Variants in KHDRBS2 observed in about 807,000 individuals in gnomAD.
KHDRBS2 encodes KH RNA binding domain containing, signal transduction associated 2, also known as KH domain-containing, RNA-binding, signal transduction-associated protein 2.
KHDRBS2 carries 26 observed loss-of-function variants against 44.3 expected under a neutral mutation model. The observed-to-expected ratio is 0.59, with a 90% CI of 0.43 to 0.81. KHDRBS2 has a LOEUF of 0.81. Among genes scored for constraint, KHDRBS2 ranks in the 40% least tolerant of loss-of-function variants. The probability of loss-of-function intolerance (pLI) is 0.00; values close to 1 mark genes in which losing one functional copy is unlikely to be tolerated. For missense variants in KHDRBS2, 476 were observed against 433.1 expected, an observed-to-expected ratio of 1.10 and a Z score of -0.88; for synonymous variants, 194 against 151.1, an observed-to-expected ratio of 1.28 and a Z score of -2.08.
At chr6:62,182,676 G>A (rs554961193) in intron 1 of KHDRBS2, among the ~76,000 whole-genome samples, 2 of 151,616 alleles carry the variant, frequency 1.3e-5, no homozygotes, top group South Asian at 2.1e-4. Context: ...TTGTTATTTT[G>A]TTTTGTTTTA....
chr6:61,695,857 C>T (rs760538483), intron 8 of KHDRBS2, among the ~76,000 whole-genome samples: 9 of 152,010 alleles, frequency 5.9e-5, no homozygotes, highest in East Asian at 3.9e-4. Flanking sequence ...AGCATCAGGA[C>T]GTGCCCTTCG....
chr6:62,199,337 C>T (rs567113724), intron 1 of KHDRBS2, among the ~76,000 whole-genome samples: 2 of 152,102 alleles, frequency 1.3e-5, no homozygotes, highest in Admixed American at 6.6e-5. Flanking sequence ...ATCTAGAAAA[C>T]CCCCTTGTCT....
At chr6:61,553,552 G>T in the KHDRBS2 span, among the ~76,000 whole-genome samples, 2 of 151,802 alleles carry the variant, frequency 1.3e-5, no homozygotes, top group African/African-American at 2.4e-5. Context: ...CTAGCTTTGG[G>T]GTTGGTTTGC....
At chr6:61,697,925 T>TA (rs1428034063) in intron 7 of KHDRBS2, among the ~76,000 whole-genome samples, 1 of 152,162 alleles carries the variant, frequency 6.6e-6, no homozygotes, top group African/African-American at 2.4e-5. Context: ...TCCAAAGTCT[T>TA]ACGTGTTTCT....
intron 2 of KHDRBS2, among the ~76,000 whole-genome samples, chr6:62,048,522 T>C (rs1788252093): frequency 6.6e-6 from 1 of 151,904 alleles, no homozygotes; most frequent in African/African-American, 2.4e-5. Context: ...ATTACAACTT[T>C]CATAATCAGG....
intron 1 of KHDRBS2, among the ~76,000 whole-genome samples, chr6:62,239,843 GC>G (rs1284857699): frequency 5.5e-4 from 84 of 151,846 alleles, no homozygotes; most frequent in African/African-American, 1.9e-3. Context: ...CCACCACCAT[GC>G]CCGACCAATT....
the KHDRBS2 span, among the ~76,000 whole-genome samples, chr6:61,626,976 G>A: frequency 1.2e-3 from 190 of 152,014 alleles, 1 homozygote; most frequent in African/African-American, 3.4e-3. Context: ...GGCTGGGGCC[G>A]GGCGCGGTGG....
intron 6 of KHDRBS2, among the ~76,000 whole-genome samples, chr6:61,863,823 G>T (rs1048201013): frequency 2.0e-5 from 3 of 152,056 alleles, no homozygotes; most frequent in Non-Finnish European, 4.4e-5. Flanking sequence ...CTGAGTTCAG[G>T]TCCTGAATAT....
chr6:62,078,868 AG>A (rs762056813), intron 2 of KHDRBS2, among the ~76,000 whole-genome samples: 9 of 152,044 alleles, frequency 5.9e-5, no homozygotes, highest in Non-Finnish European at 1.3e-4. Context: ...TGCTACTAAA[AG>A]GGAACATTTT....
At chr6:62,106,300 TG>T in intron 2 of KHDRBS2, among the ~76,000 whole-genome samples, 1 of 152,148 alleles carries the variant, frequency 6.6e-6, no homozygotes, top group Non-Finnish European at 1.5e-5. Context: ...TAGGTCTGCT[TG>T]GTGCAGAGCT....
At chr6:61,886,041 TA>T (rs1458738064) in intron 6 of KHDRBS2, among the ~76,000 whole-genome samples, 5 of 152,168 alleles carry the variant, frequency 3.3e-5, no homozygotes, top group African/African-American at 1.2e-4. Context: ...CCTGTTGTCA[TA>T]GCTAGGGCCA....
the KHDRBS2 span, among the ~76,000 whole-genome samples, chr6:61,568,482 T>C: frequency 6.6e-6 from 1 of 152,280 alleles, no homozygotes; most frequent in Admixed American, 6.5e-5. Context: ...CAGTATGAAC[T>C]TTTGTCCAAG....
At chr6:61,884,663 C>T (rs1197572609) in intron 6 of KHDRBS2, among the ~76,000 whole-genome samples, 1 of 152,000 alleles carries the variant, frequency 6.6e-6, no homozygotes, top group Non-Finnish European at 1.5e-5. Flanking sequence ...GTGCCTTTAC[C>T]TGCACATAAC....
chr6:62,158,169 G>A (rs1816863916), intron 2 of KHDRBS2, among the ~76,000 whole-genome samples: 1 of 152,086 alleles, frequency 6.6e-6, no homozygotes, highest in African/African-American at 2.4e-5. Flanking sequence ...AGAACTCTTA[G>A]ATAAATAATT....
intron 2 of KHDRBS2, among the ~76,000 whole-genome samples, chr6:62,156,078 G>C (rs1036815540): frequency 7.9e-5 from 12 of 151,742 alleles, no homozygotes; most frequent in African/African-American, 2.9e-4. Flanking sequence ...CATTTTCCAG[G>C]GTGTAGTCAG....
chr6:61,602,909 A>T, the KHDRBS2 span, among the ~76,000 whole-genome samples: 1 of 152,058 alleles, frequency 6.6e-6, no homozygotes, highest in South Asian at 2.1e-4. Context: ...GACTATTCCT[A>T]GGCTATAGCC....
At chr6:61,781,764 T>A (rs146107950) in intron 6 of KHDRBS2, among the ~76,000 whole-genome samples, 17 of 152,150 alleles carry the variant, frequency 1.1e-4, no homozygotes, top group African/African-American at 3.1e-4. Context: ...CTCCCGAAAA[T>A]TTTGGAACTG....
At chr6:62,230,955 G>GT in intron 1 of KHDRBS2, among the ~76,000 whole-genome samples, 1 of 152,248 alleles carries the variant, frequency 6.6e-6, no homozygotes, top group African/African-American at 2.4e-5. Flanking sequence ...CACTACATGT[G>GT]TAAGGGCTAT....
At chr6:61,996,186 G>A (rs1777138190) in intron 3 of KHDRBS2, among the ~76,000 whole-genome samples, 1 of 152,070 alleles carries the variant, frequency 6.6e-6, no homozygotes. Context: ...CTTTATAAAA[G>A]GGTATCTGTG....
Sources: allele counts gnomAD v4.1 joint callset (sites outside exome capture counted in the v4.1 genomes callset), GRCh38; gene constraint gnomAD v4.1.1; transcripts MANE v1.5; gene names NCBI Gene and HGNC (gene_info 2026-07-23, HGNC 2026-07-21).